The following COL1A1 variants were observed in gnomAD, a reference collection of about 807,000 sequenced individuals.
COL1A1 encodes the protein collagen alpha-1(I) chain.
COL1A1 carries 21 observed loss-of-function variants against 195.7 expected under a neutral mutation model. The observed-to-expected ratio is 0.11, with a 90% CI of 0.08 to 0.15. COL1A1 has a LOEUF of 0.15. COL1A1 is among the 10% of genes least tolerant of loss of function. COL1A1 has a pLI of 1.00. For missense variants in COL1A1, 1,365 were observed against 2,051.0 expected (o/e 0.67, Z 6.46); for synonymous variants, 749 against 747.3 (o/e 1.00, Z -0.04).
Position 50,189,114 on chromosome 17 carries a change from C to T in COL1A1, c.2937+54G>A. The stretch of plus-strand genomic sequence containing the variant: ...CTGTTCTCCTTGGCTCCGCCCCACT[C>T]CAAGTCCTGTGATGGTTTTTCTCAG... On this transcript the variant is annotated intron_variant, in intron 40 of 50. Coordinates refer to ENST00000225964, the MANE Select transcript of COL1A1 (RefSeq NM_000088.4). The surrounding 1 kb of genome is among the most constrained non-coding windows in gnomAD (Gnocchi z 5.5). 1 of 1,600,212 alleles carries T rather than the reference C, an allele frequency of 6.2e-7. No individual in the cohort carries two copies. The highest frequency in any genetic ancestry group is 8.6e-7 in the Non-Finnish European group (1 of 1,167,934).
At position 50,191,984 on chromosome 17, in the gene COL1A1, G is replaced by T. The variant is rs1308244294; in HGVS notation, c.2024C>A (p.Ala675Glu). 7.4e-6 allele frequency: 12 copies of T among 1,612,104 alleles called. No homozygotes were observed. Among genetic ancestry groups the T allele is most frequent in the Non-Finnish European group, 1.0e-5 (12 of 1,179,380 alleles). ...CAGCGAGAGAGGCCTACTTACTCTTGCTCCAGAGGGGCCAGGGGCGCCAAG... is the reference window on the plus strand; with the variant it reads ...CAGCGAGAGAGGCCTACTTACTCTTTCTCCAGAGGGGCCAGGGGCGCCAAG... ...GDLGAPGPSG[A>E]RGERGFPGER... The change falls in exon 30 of 51, where the codon GCA (alanine) becomes GAA (glutamate). Residue 675 changes from alanine (A) to glutamate (E), a missense_variant. Ala to Glu is a moderately radical substitution (Grantham distance 107). Coordinates refer to ENST00000225964, the MANE Select transcript of COL1A1 (RefSeq NM_000088.4).
chr17:50,187,128 G>T lies in COL1A1; in HGVS notation c.3424-6C>A, dbSNP rs370865189. The T allele has an allele frequency of 3.3e-4, 525 of 1,597,948 alleles. 4 individuals are homozygous for T. The highest frequency in any genetic ancestry group is 2.8e-4 in the Admixed American group (16 of 56,866). On this transcript the variant is annotated splice_region_variant and splice_polypyrimidine_tract_variant and intron_variant, in intron 46 of 50. Transcript: ENST00000225964. ...CCAGCAGAGCCAGGGGGACCCTGGA[G>T]TGGGGGAAATGGTTTGAGAAAGGCT...
At chr17:50,199,083 G>T in intron 5 of COL1A1, 143 bp downstream of exon 5, 1 of 928,270 alleles carries the variant, frequency 1.1e-6, no homozygotes, top group Non-Finnish European at 1.5e-6. Flanking sequence ...GTCACAAACT[G>T]TGAAGGGTAT....
rs1199866247 is a variant in COL1A1 at position 50,191,878 on chromosome 17, T to C, written c.2037A>G (p.Arg679=). The C allele has an allele frequency of 6.2e-7, 1 of 1,602,186 alleles. No individual in the cohort carries two copies. The highest frequency in any genetic ancestry group is 8.5e-7 in the Non-Finnish European group (1 of 1,173,998). The change falls in exon 31 of 51, where the codon AGA becomes AGG. Residue 679 remains arginine (R), a synonymous_variant. Transcript: ENST00000225964. ...GCACACCACGCTCGCCAGGGAAACC[T>C]CTCTCGCCCTAGAAGGGAAGGACAG... ...APGPSGARGE[R]GFPGERGVQG...
chr17:50,197,083 A>C lies in COL1A1; in HGVS notation c.751-20T>G, dbSNP rs754186993. The C allele has an allele frequency of 1.9e-5, 31 of 1,614,044 alleles. No individual in the cohort carries two copies. The highest frequency in any genetic ancestry group is 1.6e-4 in the Middle Eastern group (1 of 6,084). On this transcript the variant is annotated intron_variant, in intron 10 of 50. Transcript: ENST00000225964. ...AGCACCCTGGAGAGAGATGAAGAAGACAAGGAAGGGCCATTAGAACACATC... is the reference window on the plus strand; with the variant it reads ...AGCACCCTGGAGAGAGATGAAGAAGCCAAGGAAGGGCCATTAGAACACATC...
At chr17:50,193,389 T>C (rs539791931) in intron 25 of COL1A1, 15 of 411,254 alleles carry the variant, frequency 3.6e-5, no homozygotes, top group African/African-American at 2.8e-4. Context: ...TCCCCACGTG[T>C]CGGGGTGGAG....
In COL1A1 at chr17:50,199,772, G is replaced by A. The variant is rs776961507; in HGVS notation, c.279C>T (p.Pro93=). 5.0e-6 allele frequency: 8 copies of A among 1,613,160 alleles called. No individual in the cohort carries two copies. The East Asian group carries it at 8.9e-5, about 18-fold the overall frequency. The change falls in exon 2 of 51, where the codon CCC becomes CCT. Residue 93 remains proline, a synonymous_variant. Coordinates refer to ENST00000225964, the MANE Select transcript of COL1A1 (RefSeq NM_000088.4). The stretch of plus-strand genomic sequence containing the variant: ...CCGCACCTGAGCCGTCGGGGCAGAC[G>A]GGACAGCACTCGCCCTCGGGGACTT... The part of the protein sequence containing the change: ...GAEVPEGECC[P]VCPDGSESPT...
At chr17:50,198,539 T>C in intron 5 of COL1A1, 35 bp from the exon 6 acceptor site, 1 of 1,565,914 alleles carries the variant, frequency 6.4e-7, no homozygotes, top group Non-Finnish European at 8.7e-7. Context: ...GTGAGGACAG[T>C]GAATTGAAAG....
chr17:50,188,640 G>T lies in COL1A1; in HGVS notation c.3100-3C>A. On this transcript the variant is annotated splice_region_variant and splice_polypyrimidine_tract_variant and intron_variant, in intron 42 of 50. Coordinates refer to ENST00000225964, the MANE Select transcript of COL1A1 (RefSeq NM_000088.4). The surrounding 1 kb of genome is among the most constrained non-coding windows in gnomAD (Gnocchi z 5.6). ...GGGCCGGTCTCACCACGGTCACCCT[G>T]GCGGGGAGAGCAGGGGAATATGGGT... The T allele has an allele frequency of 6.2e-7, 1 of 1,613,858 alleles. No homozygotes were observed. The highest frequency in any genetic ancestry group is 8.5e-7 in the Non-Finnish European group (1 of 1,179,870).
chr17:50,188,221 C>T lies in COL1A1; in HGVS notation c.3208-72G>A, dbSNP rs1474246334. On this transcript the variant is annotated intron_variant, in intron 43 of 50. Transcript: ENST00000225964. This position sits in a 1 kb window ranked among gnomAD's most constrained non-coding sequence, Gnocchi z 5.6. ...GGCTGGGGCTGCAGGATGAGGCCTCCCCTCTGCTGGATCTCTCTCTCCTCA... is the reference window on the plus strand; with the variant it reads ...GGCTGGGGCTGCAGGATGAGGCCTCTCCTCTGCTGGATCTCTCTCTCCTCA... 3 of 1,358,418 alleles carry T rather than the reference C, an allele frequency of 2.2e-6. No homozygotes were observed. Among genetic ancestry groups the T allele is most frequent in the Non-Finnish European group, 2.0e-6 (2 of 999,058 alleles). The allele number at this position is 1,358,418 out of a possible 1,614,324, so 84.1% of individuals were successfully genotyped here.
Position 50,189,837 on chromosome 17 carries a change from C to G in COL1A1, c.2613+22G>C. 1 of 1,612,450 alleles carries G rather than the reference C, an allele frequency of 6.2e-7. No individual in the cohort carries two copies. Among genetic ancestry groups the G allele is most frequent in the African/African-American group, 1.3e-5 (1 of 74,994 alleles). The stretch of plus-strand genomic sequence containing the variant: ...GCCTGGGGAGAGGGGAGAGGCTCAA[C>G]AGAGAGGCGGGTGATACTCACAGGG... On this transcript the variant is annotated intron_variant, in intron 37 of 50. Transcript: ENST00000225964. This position sits in a 1 kb window ranked among gnomAD's most constrained non-coding sequence, Gnocchi z 5.5.
rs759319054 is a variant in COL1A1, at chr17:50,192,523, G to A, written c.1935C>T (p.Leu645=). ...CACCTGGAGGACCAGCAGGACCAGG[G>A]AGACCCTGTAGGTGGGAAATGGGGG... ...GPAGSPGFQG[L]PGPAGPPGEA... is the part of the protein sequence containing the mutation. Residue 645 remains leucine, a synonymous_variant, in exon 29 of 51, where the codon CTC becomes CTT. Transcript: ENST00000225964. 4 of 1,613,916 alleles carry A rather than the reference G, an allele frequency of 2.5e-6. No individual in the cohort carries two copies. Among genetic ancestry groups the A allele is most frequent in the South Asian group, 2.2e-5 (2 of 91,090 alleles).
intron 12 of COL1A1, 33 bp from the exon 13 acceptor site, chr17:50,196,561 A>G: frequency 6.2e-7 from 1 of 1,614,152 alleles, no homozygotes; most frequent in Non-Finnish European, 8.5e-7. Flanking sequence ...TGAGAAATTC[A>G]TTCATGGTGG....
chr17:50,185,547 T>C lies in COL1A1; in HGVS notation c.4350A>G (p.Pro1450=). 1 of 1,612,808 alleles carries C rather than the reference T, an allele frequency of 6.2e-7. No individual in the cohort carries two copies. The highest frequency in any genetic ancestry group is 8.5e-7 in the Non-Finnish European group (1 of 1,179,816). ...IDVAPLDVGA[P]DQEFGFDVGP... is the part of the protein sequence containing the mutation. ...CAACGTCGAAGCCGAATTCCTGGTC[T>C]GGGGCACCAACGTCCAAGGGGGCCA... The change falls in exon 51 of 51, where the codon CCA becomes CCG. Residue 1450 remains proline, a synonymous_variant. Coordinates refer to ENST00000225964, the MANE Select transcript of COL1A1 (RefSeq NM_000088.4).
In COL1A1 at chr17:50,191,915, G is replaced by C. The variant is rs368379643; in HGVS notation, c.2029-29C>G. 1.7e-5 allele frequency: 27 copies of C among 1,605,966 alleles called. No homozygotes were observed. In the African/African-American group the frequency reaches 3.5e-4, roughly 21 times the overall value. On this transcript the variant is annotated intron_variant, in intron 30 of 50. Coordinates refer to ENST00000225964, the MANE Select transcript of COL1A1 (RefSeq NM_000088.4). ...GAAGGGAAGGACAGGGCATGTGAAG[G>C]CTGCTCTGGAGATAGGGCCAAGTAC... is the stretch of plus-strand genomic sequence containing the variant.
intron 45 of COL1A1, 72 bp downstream of exon 45, chr17:50,187,804 A>G: frequency 7.3e-7 from 1 of 1,374,254 alleles, no homozygotes; most frequent in Non-Finnish European, 1.0e-6. Flanking sequence ...CCAGAGGGGG[A>G]AACTGAGGCG....
At position 50,185,491 on chromosome 17, in the gene COL1A1, A is replaced by T. The variant is rs1906413528; in HGVS notation, c.*11T>A. 1 of 1,612,654 alleles carries T rather than the reference A, an allele frequency of 6.2e-7. No individual in the cohort carries two copies. The highest frequency in any genetic ancestry group is 1.7e-5 in the Admixed American group (1 of 59,876). On this transcript the variant is annotated 3_prime_UTR_variant, in exon 51 of 51. Transcript: ENST00000225964. ...TTGGGTGGGAGGGAGCCAGGTTGGG[A>T]TGGAGGGAGTTTACAGGAAGCAGAC... is the stretch of plus-strand genomic sequence containing the variant.
At chr17:50,197,259 T>A (rs750984179) in intron 9 of COL1A1, 26 bp from the exon 10 acceptor site, 1 of 1,611,392 alleles carries the variant, frequency 6.2e-7, no homozygotes. Context: ...AAGACCATCA[T>A]GCCTCTGCCT....
intron 26 of COL1A1, 43 bp from the exon 27 acceptor site, chr17:50,192,893 C>T (rs757816251): frequency 1.6e-5 from 26 of 1,613,264 alleles, no homozygotes; most frequent in African/African-American, 6.7e-5. Flanking sequence ...TAGGAGGCCC[C>T]GAGCAGCTGA....
Sources: allele counts gnomAD v4.1 joint callset, GRCh38; gene constraint gnomAD v4.1.1; non-coding constraint Gnocchi (gnomAD v3.1); transcripts MANE v1.5; gene names NCBI Gene and HGNC (gene_info 2026-07-23, HGNC 2026-07-21).